LIPI: variants seen among roughly 807,000 people sequenced by gnomAD.
LIPI encodes the protein lipase I.
Under a neutral mutation model 50.6 loss-of-function variants are expected in LIPI, and 59 were observed. The ratio of observed to expected loss-of-function variants is 1.16; its 90% CI spans 0.94 to 1.45. The LOEUF (loss-of-function observed/expected upper bound fraction) is 1.45, where lower values mean the gene tolerates loss of function less well. Among genes scored for constraint, LIPI ranks in the 40% most tolerant of loss-of-function variants. The pLI is 0.00. For missense variants in LIPI, 586 were observed against 536.3 expected (o/e 1.09, Z -0.92); for synonymous variants, 203 against 178.2 (o/e 1.14, Z -1.11).
intron 9 of LIPI, among the ~76,000 whole-genome samples, chr21:14,118,791 T>G (rs1292978799): frequency 6.6e-6 from 1 of 152,230 alleles, no homozygotes; most frequent in South Asian, 2.1e-4. Context: ...GGAACCTACC[T>G]GGTGCAGATC....
intron 9 of LIPI, among the ~76,000 whole-genome samples, chr21:14,124,370 T>A (rs1224848880): frequency 6.6e-6 from 1 of 152,178 alleles, no homozygotes; most frequent in Non-Finnish European, 1.5e-5. Context: ...TTTTACTTTT[T>A]CCTTCAAAAG....
intron 9 of LIPI, among the ~76,000 whole-genome samples, chr21:14,128,677 A>G (rs201507172): frequency 2.0e-5 from 3 of 152,022 alleles, no homozygotes; most frequent in Admixed American, 6.6e-5. Context: ...ATATATCTTA[A>G]GTGTGTCATC....
intron 1 of LIPI, among the ~76,000 whole-genome samples, chr21:14,209,090 G>A (rs2020299424): frequency 1.3e-5 from 2 of 152,008 alleles, no homozygotes. Context: ...TATAATAACA[G>A]CAACAACAAA....
Position 14,124,646 on chromosome 21 carries a change from A to G in LIPI, c.1296-15566T>C, listed in dbSNP as rs573640455. Among the ~76,000 whole-genome samples the G allele has an allele frequency of 3.9e-5, 6 of 152,346 alleles. No homozygotes were observed. The South Asian group carries it at 1.2e-3, about 32-fold the overall frequency. ...TCAACTGCCTAAGTACGCTTCCTGC[A>G]TCAAGTAGCTCCCGGACACTGACAG... On this transcript the variant is annotated intron_variant, in intron 9 of 9. Coordinates refer to ENST00000681601, the MANE Select transcript of LIPI (RefSeq NM_001302998.2).
chr21:14,203,204 G>A (rs2020120069), intron 1 of LIPI, among the ~76,000 whole-genome samples: 1 of 152,004 alleles, frequency 6.6e-6, no homozygotes, highest in African/African-American at 2.4e-5. Flanking sequence ...GAGAGGATGT[G>A]GAGAAATAGG....
At chr21:14,161,364 T>C (rs1427051323) in intron 7 of LIPI, among the ~76,000 whole-genome samples, 1 of 143,512 alleles carries the variant, frequency 7.0e-6, no homozygotes, top group Non-Finnish European at 1.5e-5. Context: ...GTAATATAGG[T>C]AATATCTATT....
In LIPI at chr21:14,193,054, G is replaced by T. The variant is rs548563741; in HGVS notation, c.47-3635C>A. Among the ~76,000 whole-genome samples the T allele has an allele frequency of 8.5e-5, 13 of 152,148 alleles. No homozygotes were observed. The South Asian group carries it at 2.7e-3, about 32-fold the overall frequency. On this transcript the variant is annotated intron_variant, in intron 1 of 9. Coordinates refer to ENST00000681601, the MANE Select transcript of LIPI (RefSeq NM_001302998.2). ...AAATAATTATGAATGCATGTTAATGGGTACACAATATATAATGATGTAATT... is the reference window on the plus strand; with the variant it reads ...AAATAATTATGAATGCATGTTAATGTGTACACAATATATAATGATGTAATT...
At chr21:14,176,916 C>T (rs918917692) in intron 4 of LIPI, among the ~76,000 whole-genome samples, 1 of 151,894 alleles carries the variant, frequency 6.6e-6, no homozygotes, top group Admixed American at 6.6e-5. Flanking sequence ...TTAGGTATAT[C>T]GAAATGTTTG....
At chr21:14,168,748 C>T (rs1252341711) in intron 4 of LIPI, among the ~76,000 whole-genome samples, 2 of 152,144 alleles carry the variant, frequency 1.3e-5, no homozygotes, top group Admixed American at 6.6e-5. Context: ...CCGGTACCAG[C>T]CACTGCAAAA....
At chr21:14,111,100 C>A (rs891462266) in intron 9 of LIPI, among the ~76,000 whole-genome samples, 3 of 151,710 alleles carry the variant, frequency 2.0e-5, no homozygotes, top group African/African-American at 4.8e-5. Flanking sequence ...TTGATATACA[C>A]CCAGTAGTGG....
intron 9 of LIPI, among the ~76,000 whole-genome samples, chr21:14,139,303 T>C (rs1173642983): frequency 6.6e-6 from 1 of 152,180 alleles, no homozygotes; most frequent in Non-Finnish European, 1.5e-5. Context: ...TGAAACAAGA[T>C]GGCAATTTCA....
intron 4 of LIPI, among the ~76,000 whole-genome samples, chr21:14,181,203 C>T (rs556943845): frequency 2.6e-5 from 4 of 152,272 alleles, no homozygotes; most frequent in East Asian, 3.9e-4. Context: ...GGCACGAGGA[C>T]AGTCTGTTTC....
At chr21:14,127,345 G>A (rs2017105682) in intron 9 of LIPI, among the ~76,000 whole-genome samples, 1 of 152,118 alleles carries the variant, frequency 6.6e-6, no homozygotes, top group Non-Finnish European at 1.5e-5. Context: ...TTAAACTTAA[G>A]CATACATTGA....
chr21:14,204,688 T>C (rs968548293), intron 1 of LIPI, among the ~76,000 whole-genome samples: 5 of 152,030 alleles, frequency 3.3e-5, no homozygotes, highest in African/African-American at 4.8e-5. Flanking sequence ...TTAACTATAA[T>C]AATTATGGCA....
At chr21:14,175,256 G>GT (rs1321857478) in intron 4 of LIPI, among the ~76,000 whole-genome samples, 1 of 152,194 alleles carries the variant, frequency 6.6e-6, no homozygotes, top group East Asian at 1.9e-4. Context: ...ATGCTGAATA[G>GT]TTGTAGCGTA....
chr21:14,152,414 G>A (rs2018127244), intron 8 of LIPI, among the ~76,000 whole-genome samples, 159 bp downstream of exon 8: 1 of 151,966 alleles, frequency 6.6e-6, no homozygotes, highest in African/African-American at 2.4e-5. Context: ...GTAAAATAAA[G>A]GAATTAGAAT....
chr21:14,206,933 C>G (rs1433405178), intron 1 of LIPI: 1 of 1,553,282 alleles, frequency 6.4e-7, no homozygotes, highest in Non-Finnish European at 8.9e-7. Flanking sequence ...TAAATAAGAC[C>G]CTATCAGAAG....
At chr21:14,159,663 T>A (rs1057048384) in intron 7 of LIPI, among the ~76,000 whole-genome samples, 1 of 151,258 alleles carries the variant, frequency 6.6e-6, no homozygotes, top group Non-Finnish European at 1.5e-5. Context: ...TTTAAAAAAA[T>A]TAAATGCACA....
At chr21:14,178,502 T>G (rs2019167133) in intron 4 of LIPI, among the ~76,000 whole-genome samples, 1 of 152,198 alleles carries the variant, frequency 6.6e-6, no homozygotes, top group Non-Finnish European at 1.5e-5. Context: ...TCAATGGATG[T>G]CAATTATTTT....
Sources: allele counts gnomAD v4.1 joint callset (sites outside exome capture counted in the v4.1 genomes callset), GRCh38; gene constraint gnomAD v4.1.1; transcripts MANE v1.5; gene names NCBI Gene and HGNC (gene_info 2026-07-23, HGNC 2026-07-21).